LUZP2: variants seen among roughly 807,000 people sequenced by gnomAD.
LUZP2 encodes the protein leucine zipper protein 2.
A neutral mutation model predicts 51.6 loss-of-function variants in LUZP2; 52 were observed. That is an observed-to-expected ratio of 1.01 (90% confidence interval 0.81 to 1.27). LUZP2 has a LOEUF of 1.27. LUZP2 is among the 50% of genes most tolerant of loss of function. LUZP2 has a pLI of 0.00. For synonymous variants in LUZP2, 154 were observed against 137.3 expected, an observed-to-expected ratio of 1.12 and a Z score of -0.85; for missense variants, 436 against 395.4, an observed-to-expected ratio of 1.10 and a Z score of -0.87.
intron 1 of LUZP2, among the ~76,000 whole-genome samples, chr11:24,606,147 G>T (rs533079810): frequency 2.0e-5 from 3 of 151,612 alleles, no homozygotes; most frequent in Admixed American, 2.0e-4. Flanking sequence ...ACATTTATGT[G>T]TATGTGTATG....
At chr11:24,664,825 T>G (rs990134433) in intron 1 of LUZP2, among the ~76,000 whole-genome samples, 1 of 148,840 alleles carries the variant, frequency 6.7e-6, no homozygotes, top group African/African-American at 2.4e-5. Context: ...TGGAAATGCC[T>G]GGATGTCCAG....
intron 3 of LUZP2, among the ~76,000 whole-genome samples, chr11:24,736,392 T>C (rs1858938130): frequency 6.6e-6 from 1 of 151,986 alleles, no homozygotes; most frequent in African/African-American, 2.4e-5. Flanking sequence ...TATAACTTTA[T>C]TTTCAGTAGG....
chr11:25,003,972 C>T (rs1472206387), intron 9 of LUZP2, among the ~76,000 whole-genome samples: 2 of 152,172 alleles, frequency 1.3e-5, no homozygotes, highest in South Asian at 2.1e-4. Context: ...TCCCAGGATT[C>T]CTCGGATGGT....
intron 7 of LUZP2, among the ~76,000 whole-genome samples, chr11:24,970,931 T>A (rs1240834345): frequency 6.6e-6 from 1 of 152,192 alleles, no homozygotes; most frequent in Non-Finnish European, 1.5e-5. Context: ...ACATTAAGAA[T>A]GTGGTACATA....
rs565801905 is a variant in LUZP2 at position 24,882,636 on chromosome 11, C to T, written c.397-23355C>T. 1.5e-4 allele frequency among the ~76,000 whole-genome samples: 23 copies of T among 151,770 alleles called. 1 individual carries two copies. The highest frequency in any genetic ancestry group is 1.2e-3 in the South Asian group (6 of 4,820). ...CTCCCTCTTAACCTTCGGTAAGTTT[C>T]GCTTTTTTCAAAATGTTGTACAGTT... On this transcript the variant is annotated intron_variant, in intron 5 of 11. Coordinates refer to ENST00000336930, the MANE Select transcript of LUZP2 (RefSeq NM_001009909.4).
rs544567642 is a variant in LUZP2, at chr11:24,737,211, A to G, written c.252-1010A>G. On this transcript the variant is annotated intron_variant, in intron 3 of 11. Transcript: ENST00000336930. ...GCTTTGCTTACGTTCTGTCGTCTTA[A>G]TATGAGCACAAACCTATAAGTTAGT... Among the ~76,000 whole-genome samples the G allele has an allele frequency of 1.6e-4, 24 of 152,220 alleles. 1 individual carries two copies. In the South Asian group the frequency reaches 4.3e-3, roughly 28 times the overall value.
intron 1 of LUZP2, among the ~76,000 whole-genome samples, chr11:24,647,284 GT>G (rs917072948): frequency 6.6e-6 from 1 of 151,042 alleles, no homozygotes; most frequent in Non-Finnish European, 1.5e-5. Flanking sequence ...AATCATTGCT[GT>G]TTTTTTTAAA....
intron 1 of LUZP2, among the ~76,000 whole-genome samples, chr11:24,658,075 T>C (rs1411361219): frequency 6.6e-6 from 1 of 152,166 alleles, no homozygotes; most frequent in Non-Finnish European, 1.5e-5. Context: ...AAATAACTAC[T>C]GTAAAGTTCA....
At chr11:24,598,922 A>T (rs1362970520) in intron 1 of LUZP2, among the ~76,000 whole-genome samples, 1 of 152,116 alleles carries the variant, frequency 6.6e-6, no homozygotes, top group Admixed American at 6.5e-5. Context: ...ATTATGGTGA[A>T]ATCTCTGGGT....
chr11:24,522,967 A>G (rs1218632347), intron 1 of LUZP2, among the ~76,000 whole-genome samples: 1 of 152,020 alleles, frequency 6.6e-6, no homozygotes, highest in African/African-American at 2.4e-5. Flanking sequence ...ACTAACCCAT[A>G]TGGTAATATT....
chr11:24,573,953 T>G (rs957084162), intron 1 of LUZP2, among the ~76,000 whole-genome samples: 28 of 151,858 alleles, frequency 1.8e-4, no homozygotes, highest in African/African-American at 5.6e-4. Context: ...TATGTATACA[T>G]GTGCCATGTT....
chr11:24,601,798 C>T (rs1194453454), intron 1 of LUZP2, among the ~76,000 whole-genome samples: 4 of 149,572 alleles, frequency 2.7e-5, no homozygotes, highest in Admixed American at 2.0e-4. Context: ...AATTCTTATC[C>T]ATGGCAGCAA....
At chr11:25,066,616 G>A (rs771717843) in intron 10 of LUZP2, among the ~76,000 whole-genome samples, 1 of 151,914 alleles carries the variant, frequency 6.6e-6, no homozygotes, top group Non-Finnish European at 1.5e-5. Context: ...ACATATTTGT[G>A]TGGGGGAGAT....
chr11:25,078,340 T>C (rs1333439868), intron 11 of LUZP2, among the ~76,000 whole-genome samples: 2 of 152,252 alleles, frequency 1.3e-5, no homozygotes, highest in African/African-American at 4.8e-5. Flanking sequence ...GTTTTTGAAA[T>C]GTTTTGCTGT....
At chr11:24,529,826 T>A (rs1446732506) in intron 1 of LUZP2, among the ~76,000 whole-genome samples, 2 of 151,034 alleles carry the variant, frequency 1.3e-5, no homozygotes, top group African/African-American at 2.4e-5. Context: ...TCAAACATTT[T>A]AAAATTTTGG....
chr11:24,694,594 T>C (rs1035916230), intron 1 of LUZP2, among the ~76,000 whole-genome samples: 2 of 152,064 alleles, frequency 1.3e-5, no homozygotes, highest in African/African-American at 4.8e-5. Context: ...AGATTAGAAA[T>C]CATTCTGCTA....
chr11:24,512,366 G>T (rs1196477583), intron 1 of LUZP2, among the ~76,000 whole-genome samples: 2 of 152,076 alleles, frequency 1.3e-5, no homozygotes, highest in Non-Finnish European at 2.9e-5. Context: ...GCTCATAGAT[G>T]CCAAATAACT....
At chr11:24,908,685 G>A (rs1222686419) in intron 6 of LUZP2, among the ~76,000 whole-genome samples, 2 of 151,780 alleles carry the variant, frequency 1.3e-5, no homozygotes, top group Non-Finnish European at 2.9e-5. Flanking sequence ...CACTCAGAAT[G>A]CATTTATTCT....
chr11:24,779,955 A>G (rs1409828137), intron 5 of LUZP2, among the ~76,000 whole-genome samples: 1 of 152,164 alleles, frequency 6.6e-6, no homozygotes, highest in Non-Finnish European at 1.5e-5. Flanking sequence ...AGCCATGAGA[A>G]AGTGGAAGAG....
Sources: gnomAD v4.1 joint callset for allele counts (sites outside exome capture counted in the v4.1 genomes callset) on GRCh38, gnomAD v4.1.1 for gene constraint, MANE v1.5 for transcripts, NCBI Gene and HGNC (gene_info 2026-07-23, HGNC 2026-07-21) for gene names.